COMMD10: variants seen among roughly 807,000 people sequenced by gnomAD.
COMMD10 encodes the protein COMM domain containing 10.
A neutral mutation model predicts 28.9 loss-of-function variants in COMMD10; 33 were observed. That is an observed-to-expected ratio of 1.14 (90% CI 0.87 to 1.53). The LOEUF is 1.53. Among genes scored for constraint, COMMD10 ranks in the 40% most tolerant of loss-of-function variants. The probability of loss-of-function intolerance (pLI) is 0.00; values close to 1 mark genes in which losing one functional copy is unlikely to be tolerated. For synonymous variants in COMMD10, 110 were observed against 81.7 expected (o/e 1.35, Z -1.87); for missense variants, 310 against 233.4 (o/e 1.33, Z -2.14).
chr5:116,202,749 T>C (rs1748702794), intron 5 of COMMD10, among the ~76,000 whole-genome samples: 1 of 151,322 alleles, frequency 6.6e-6, no homozygotes, highest in Admixed American at 6.6e-5. Flanking sequence ...TTTTTTCTTG[T>C]AAATTTGTTT....
At chr5:116,255,595 A>T (rs79889615) in intron 5 of COMMD10, 1 of 151,486 alleles carries the variant, frequency 6.6e-6, no homozygotes, top group Non-Finnish European at 1.5e-5. Flanking sequence ...CTCTGAAGAC[A>T]TTTGCTAATA....
intron 5 of COMMD10, among the ~76,000 whole-genome samples, chr5:116,159,428 A>G (rs1752844517): frequency 6.6e-6 from 1 of 152,190 alleles, no homozygotes; most frequent in African/African-American, 2.4e-5. Context: ...CTCAAGTATC[A>G]TTGGAGAGAG....
At chr5:116,129,743 G>GTA (rs10616996) in intron 4 of COMMD10, among the ~76,000 whole-genome samples, 2 of 19,426 alleles carry the variant, frequency 1.0e-4, no homozygotes, top group Admixed American at 5.4e-4. Context: ...GTGATATACA[G>GTA]TATATATATA....
At chr5:116,260,508 T>A (rs1750415001) in intron 5 of COMMD10, among the ~76,000 whole-genome samples, 1 of 151,900 alleles carries the variant, frequency 6.6e-6, no homozygotes, top group African/African-American at 2.4e-5. Flanking sequence ...GGCATGTCAG[T>A]ATCTTGTAAA....
chr5:116,180,190 CTG>C (rs1377730390), intron 5 of COMMD10, among the ~76,000 whole-genome samples: 2 of 151,990 alleles, frequency 1.3e-5, no homozygotes, highest in Non-Finnish European at 2.9e-5. Flanking sequence ...TGGGTTACCT[CTG>C]TACATTTTCA....
At chr5:116,095,597 C>T (rs1750443236) in intron 4 of COMMD10, among the ~76,000 whole-genome samples, 1 of 151,978 alleles carries the variant, frequency 6.6e-6, no homozygotes, top group African/African-American at 2.4e-5. Flanking sequence ...ATTCTCTTAA[C>T]AGTATCTTTC....
At chr5:116,197,633 C>T (rs1484917367) in intron 5 of COMMD10, among the ~76,000 whole-genome samples, 3 of 152,130 alleles carry the variant, frequency 2.0e-5, no homozygotes, top group African/African-American at 7.2e-5. Flanking sequence ...CCATCCCCCT[C>T]GGCCTCCCTA....
chr5:116,236,849 C>G (rs1749678044), intron 5 of COMMD10, among the ~76,000 whole-genome samples: 1 of 152,084 alleles, frequency 6.6e-6, no homozygotes, highest in African/African-American at 2.4e-5. Context: ...GGTTCATTGA[C>G]TGTAACAAAT....
chr5:116,250,280 A>T (rs1391538993), intron 5 of COMMD10, among the ~76,000 whole-genome samples: 1 of 151,846 alleles, frequency 6.6e-6, no homozygotes. Flanking sequence ...TTTTCTTAAT[A>T]TGCATTTGGT....
At chr5:116,099,722 G>T (rs1202937012) in intron 4 of COMMD10, among the ~76,000 whole-genome samples, 1 of 152,082 alleles carries the variant, frequency 6.6e-6, no homozygotes, top group African/African-American at 2.4e-5. Flanking sequence ...TTATATACCT[G>T]TTGATCATTT....
chr5:116,113,696 C>T (rs980019433), intron 4 of COMMD10, among the ~76,000 whole-genome samples: 1 of 151,888 alleles, frequency 6.6e-6, no homozygotes, highest in Non-Finnish European at 1.5e-5. Flanking sequence ...AATTGATTTT[C>T]TGATTACTTT....
intron 5 of COMMD10, among the ~76,000 whole-genome samples, chr5:116,151,520 T>A (rs1204437074): frequency 6.6e-6 from 1 of 152,194 alleles, no homozygotes; most frequent in East Asian, 1.9e-4. Flanking sequence ...TATTGATTAT[T>A]GCCACAATTT....
chr5:116,274,712 C>T (rs1452308996), intron 5 of COMMD10, among the ~76,000 whole-genome samples: 2 of 151,770 alleles, frequency 1.3e-5, no homozygotes, highest in Non-Finnish European at 2.9e-5. Flanking sequence ...TCAATCTGTC[C>T]TTAAAATTTT....
At chr5:116,202,277 G>C (rs1338551448) in intron 5 of COMMD10, among the ~76,000 whole-genome samples, 1 of 151,412 alleles carries the variant, frequency 6.6e-6, no homozygotes, top group Non-Finnish European at 1.5e-5. Context: ...TCTTAATCCA[G>C]TCTATCATTG....
chr5:116,276,003 T>C lies in COMMD10; in HGVS notation c.511-15514T>C, dbSNP rs540290308. ...CTACCCTTGACCTTAAGGAACACAC[T>C]ATGTTTTGGAAGCCTTCATTGTAAA... is the stretch of plus-strand genomic sequence containing the variant. On this transcript the variant is annotated intron_variant, in intron 5 of 6. Coordinates refer to ENST00000274458, the MANE Select transcript of COMMD10 (RefSeq NM_016144.4). Among the ~76,000 whole-genome samples the C allele has an allele frequency of 4.0e-5, 6 of 150,912 alleles. 1 individual carries two copies. Among genetic ancestry groups the C allele is most frequent in the Non-Finnish European group, 5.9e-5 (4 of 67,930 alleles).
At chr5:116,092,031 G>C (rs577359108) in intron 3 of COMMD10, among the ~76,000 whole-genome samples, 37 of 152,260 alleles carry the variant, frequency 2.4e-4, no homozygotes, top group Admixed American at 1.0e-3. Context: ...GAGTAGGACA[G>C]CATAGCATGG....
chr5:116,163,661 T>TAAA (rs1246504768), intron 5 of COMMD10, among the ~76,000 whole-genome samples: 2 of 152,092 alleles, frequency 1.3e-5, no homozygotes, highest in Non-Finnish European at 2.9e-5. Flanking sequence ...ATTTTGTGAA[T>TAAA]AGTTTATAGT....
At chr5:116,142,307 C>A (rs1274856978) in intron 5 of COMMD10, among the ~76,000 whole-genome samples, 1 of 151,464 alleles carries the variant, frequency 6.6e-6, no homozygotes, top group Non-Finnish European at 1.5e-5. Flanking sequence ...TAATTCTTAC[C>A]CTGTCAAATA....
intron 5 of COMMD10, among the ~76,000 whole-genome samples, chr5:116,150,457 A>G (rs1386985916): frequency 1.3e-5 from 2 of 151,856 alleles, no homozygotes; most frequent in Non-Finnish European, 2.9e-5. Flanking sequence ...AAGTATGGCT[A>G]TTTTCATGAT....
Sources: gnomAD v4.1 joint callset for allele counts (sites outside exome capture counted in the v4.1 genomes callset) on GRCh38, gnomAD v4.1.1 for gene constraint, MANE v1.5 for transcripts, NCBI Gene and HGNC (gene_info 2026-07-23, HGNC 2026-07-21) for gene names.